The following DNAJB6 variants were observed in gnomAD, a reference collection of about 807,000 sequenced individuals.
DNAJB6 encodes the protein DnaJ heat shock protein family (Hsp40) member B6.
In DNAJB6, 16 loss-of-function variants were observed where a neutral mutation model predicts 42.7. The ratio of observed to expected loss-of-function variants is 0.37; its 90% CI spans 0.25 to 0.57. DNAJB6 has a LOEUF of 0.57. Ranked by LOEUF, DNAJB6 falls within the 20% of genes least tolerant of loss-of-function variation. The pLI is 0.74. For missense variants in DNAJB6, 347 were observed against 416.8 expected, an observed-to-expected ratio of 0.83 and a Z score of 1.46; for synonymous variants, 170 against 163.5, an observed-to-expected ratio of 1.04 and a Z score of -0.30.
chr7:157,348,751 G>C (rs1300724162), intron 1 of DNAJB6, among the ~76,000 whole-genome samples: 1 of 152,034 alleles, frequency 6.6e-6, no homozygotes, highest in African/African-American at 2.4e-5. Context: ...AAATTCTTCA[G>C]TTGCGCCCTG....
intron 8 of DNAJB6, among the ~76,000 whole-genome samples, chr7:157,406,278 G>T (rs951818115): frequency 6.6e-6 from 1 of 152,242 alleles, no homozygotes; most frequent in African/African-American, 2.4e-5. Flanking sequence ...TGATGCCAGG[G>T]AGATCTGGAT....
intron 8 of DNAJB6, among the ~76,000 whole-genome samples, chr7:157,400,363 C>CGCACTTGT (rs1563147945): frequency 1.3e-5 from 2 of 152,008 alleles, no homozygotes; most frequent in African/African-American, 2.4e-5. Flanking sequence ...CCTTCATGGA[C>CGCACTTGT]ACGCTCGTGT....
At chr7:157,340,355 G>T (rs1337578099) in intron 1 of DNAJB6, among the ~76,000 whole-genome samples, 1 of 152,126 alleles carries the variant, frequency 6.6e-6, no homozygotes, top group African/African-American at 2.4e-5. Flanking sequence ...ATCAGTGGCA[G>T]GATTTAGCAA....
chr7:157,409,662 C>A (rs1795899326), intron 8 of DNAJB6, 133 bp from the exon 9 acceptor site: 3 of 1,024,216 alleles, frequency 2.9e-6, no homozygotes, highest in Non-Finnish European at 4.1e-6. Flanking sequence ...AAGGAGATAA[C>A]CTCTTTCTCC....
At chr7:157,358,047 T>G (rs748214856) in intron 1 of DNAJB6, among the ~76,000 whole-genome samples, 2 of 152,194 alleles carry the variant, frequency 1.3e-5, no homozygotes, top group Non-Finnish European at 2.9e-5. Context: ...TGTTCCCTCG[T>G]GTGGGTGACA....
rs1235822901 is a variant in DNAJB6 at position 157,367,328 on chromosome 7, A to G, written c.236-45A>G. On this transcript the variant is annotated intron_variant, in intron 4 of 9. Transcript: ENST00000262177. ...GTCAACAAAGAATTCTTTGCCTACA[A>G]AGCACCAAAATTCATAAACTAAAAG... 9 of 1,311,462 alleles carry G rather than the reference A, an allele frequency of 6.9e-6. No individual in the cohort carries two copies. The Admixed American group carries it at 1.4e-4, about 20-fold the overall frequency. The allele number at this position is 1,311,462 out of a possible 1,614,324, so 81.2% of individuals were successfully genotyped here. A position where few individuals can be genotyped will look rare whatever the true frequency, so the allele number is the denominator to read the frequency against.
At chr7:157,410,355 G>C (rs1382998778) in intron 9 of DNAJB6, 2 of 431,562 alleles carry the variant, frequency 4.6e-6, no homozygotes. Context: ...GGCTTAGGCC[G>C]GGTGGTCTCG....
intron 1 of DNAJB6, among the ~76,000 whole-genome samples, chr7:157,349,346 G>C (rs1225663349): frequency 6.6e-6 from 1 of 152,208 alleles, no homozygotes; most frequent in Non-Finnish European, 1.5e-5. Flanking sequence ...GTTGACTAAT[G>C]GGGCCAGTCT....
intron 5 of DNAJB6, chr7:157,378,653 A>C (rs1800596615): frequency 6.6e-6 from 1 of 152,232 alleles, no homozygotes; most frequent in Non-Finnish European, 1.5e-5. Context: ...ACGCACGCTC[A>C]GCAACTTAGT....
At chr7:157,364,321 T>G (rs757525674) in intron 3 of DNAJB6, among the ~76,000 whole-genome samples, 5 of 152,100 alleles carry the variant, frequency 3.3e-5, no homozygotes, top group Non-Finnish European at 7.4e-5. Context: ...CCCACCCCCT[T>G]TGTTTTAGAG....
intron 5 of DNAJB6, chr7:157,369,181 C>T (rs1435242076): frequency 9.3e-6 from 4 of 430,604 alleles, no homozygotes; most frequent in African/African-American, 4.0e-5. Context: ...GCTGTAATCA[C>T]TGCTGCCATC....
chr7:157,343,314 C>G (rs181052846), intron 1 of DNAJB6, among the ~76,000 whole-genome samples: 1 of 152,190 alleles, frequency 6.6e-6, no homozygotes, highest in East Asian at 1.9e-4. Flanking sequence ...CGCTCACCAC[C>G]ATGCCTGGCT....
At chr7:157,407,547 C>T (rs982777253) in intron 8 of DNAJB6, among the ~76,000 whole-genome samples, 6 of 152,182 alleles carry the variant, frequency 3.9e-5, no homozygotes, top group African/African-American at 1.4e-4. Context: ...TGGCCCTTTG[C>T]TGCTGTGTGC....
chr7:157,382,227 T>G lies in DNAJB6; in HGVS notation c.347-19T>G, dbSNP rs774544702. 2.5e-6 allele frequency: 4 copies of G among 1,575,896 alleles called. No homozygotes were observed. In the Admixed American group the frequency reaches 8.3e-5, roughly 33 times the overall value. ...CTTGAAAAAAAGACTTCATAGTGTGTGTTTATGTTTGATTTTAGAAGACCC... is the reference window on the plus strand; with the variant it reads ...CTTGAAAAAAAGACTTCATAGTGTGGGTTTATGTTTGATTTTAGAAGACCC... On this transcript the variant is annotated intron_variant, in intron 5 of 9. Transcript: ENST00000262177.
chr7:157,407,575 T>C (rs781121210), intron 8 of DNAJB6, among the ~76,000 whole-genome samples: 3 of 152,128 alleles, frequency 2.0e-5, no homozygotes, highest in Non-Finnish European at 4.4e-5. Flanking sequence ...CCTTCGTCTC[T>C]CCTCTCTCCC....
At chr7:157,344,311 A>G (rs539388299) in intron 1 of DNAJB6, among the ~76,000 whole-genome samples, 31 of 151,962 alleles carry the variant, frequency 2.0e-4, no homozygotes, top group African/African-American at 7.0e-4. Context: ...ACTGCACTCT[A>G]CTGCACTCTG....
intron 1 of DNAJB6, among the ~76,000 whole-genome samples, chr7:157,356,890 C>T (rs941509323): frequency 6.6e-6 from 1 of 152,080 alleles, no homozygotes; most frequent in African/African-American, 2.4e-5. Flanking sequence ...CATTTCTTTT[C>T]TAAGTTTGAT....
At chr7:157,345,884 T>C (rs1272157709) in intron 1 of DNAJB6, among the ~76,000 whole-genome samples, 2 of 152,060 alleles carry the variant, frequency 1.3e-5, no homozygotes, top group African/African-American at 4.8e-5. Context: ...TTTGATTTAG[T>C]ATATTATTTT....
Position 157,384,750 on chromosome 7 carries a change from A to G in DNAJB6, c.479-117A>G. ...GGCCTTGATAGTTGCGTCGTTTATT[A>G]CTCCTCGGTTCTATGCCTTAACATT... On this transcript the variant is annotated intron_variant, in intron 6 of 9. Transcript: ENST00000262177. 2 of 1,002,532 alleles carry G rather than the reference A, an allele frequency of 2.0e-6. 1 individual carries two copies. Among genetic ancestry groups the G allele is most frequent in the South Asian group, 3.2e-5 (2 of 62,668 alleles). The allele number at this position is 1,002,532 out of a possible 1,614,324, so 62.1% of individuals were successfully genotyped here. A position where few individuals can be genotyped will look rare whatever the true frequency, so the allele number is the denominator to read the frequency against.
Sources: allele counts gnomAD v4.1 joint callset (sites outside exome capture counted in the v4.1 genomes callset), GRCh38; gene constraint gnomAD v4.1.1; transcripts MANE v1.5; gene names NCBI Gene and HGNC (gene_info 2026-07-23, HGNC 2026-07-21).